Variants in VPS13C observed in about 807,000 individuals in gnomAD.
VPS13C encodes the protein vacuolar protein sorting 13 homolog C.
Under a neutral mutation model 456.8 loss-of-function variants are expected in VPS13C, and 358 were observed. That is an observed-to-expected ratio of 0.78 (90% CI 0.72 to 0.86). The LOEUF is 0.86. Among genes scored for constraint, VPS13C ranks in the 40% least tolerant of loss-of-function variants. VPS13C has a pLI of 0.00. For synonymous variants in VPS13C, 1,578 were observed against 1,486.7 expected (o/e 1.06, Z -1.41); for missense variants, 4,818 against 4,385.4 (o/e 1.10, Z -2.79).
rs757685633 is a variant in VPS13C at position 61,974,384 on chromosome 15, A to G, written c.2442T>C (p.His814=). The G allele has an allele frequency of 5.0e-6, 8 of 1,612,556 alleles. No homozygotes were observed. The Admixed American group carries it at 5.0e-5, about 10-fold the overall frequency. ...TCATCTTCTGGTCAGAAATTCTCAC[A>G]TGCATCAAAGGAAGTCCTCCTGACA... ...FKVSGGLPLM[H]VRISDQKMKD... The change falls in exon 25 of 85, where the codon CAT becomes CAC. Residue 814 remains histidine, a synonymous_variant. Coordinates refer to ENST00000644861, the MANE Select transcript of VPS13C (RefSeq NM_020821.3).
At chr15:62,021,982 T>C (rs2047478404) in intron 8 of VPS13C, among the ~76,000 whole-genome samples, 1 of 151,936 alleles carries the variant, frequency 6.6e-6, no homozygotes. Flanking sequence ...GTGAAAGAAT[T>C]TCCTTCATTT....
chr15:61,960,679 C>A (rs546497717), intron 35 of VPS13C, among the ~76,000 whole-genome samples: 1 of 152,248 alleles, frequency 6.6e-6, no homozygotes, highest in East Asian at 1.9e-4. Flanking sequence ...CAAATATAAA[C>A]AACTGGTGAA....
chr15:61,974,261 GTTATACAT>G lies in VPS13C; in HGVS notation c.2538+19_2538+26del. 1 of 1,600,332 alleles carries G rather than the reference GTTATACAT, an allele frequency of 6.2e-7. No homozygotes were observed. Among genetic ancestry groups the G allele is most frequent in the Non-Finnish European group, 8.5e-7 (1 of 1,173,122 alleles). On this transcript the variant is annotated intron_variant, in intron 25 of 84. Transcript: ENST00000644861. Reference sequence around the variant, plus strand: ...ACTGCTCTAAAACAATAAAAATAGGGTTATACATTTTATTGTATCTATTTACCTGTCTC... The same window carrying G: ...ACTGCTCTAAAACAATAAAAATAGGGTTTATTGTATCTATTTACCTGTCTC...
intron 1 of VPS13C, among the ~76,000 whole-genome samples, chr15:62,046,791 G>C (rs2048417667): frequency 6.6e-6 from 1 of 152,210 alleles, no homozygotes; most frequent in Non-Finnish European, 1.5e-5. Context: ...TGATCAAGTA[G>C]TAGGATAGCA....
Position 62,060,259 on chromosome 15 carries a change from G to T in VPS13C, c.100+16C>A. 6.4e-7 allele frequency: 1 copy of T among 1,557,476 alleles called. No homozygotes were observed. Among genetic ancestry groups the T allele is most frequent in the Non-Finnish European group, 8.8e-7 (1 of 1,137,416 alleles). On this transcript the variant is annotated intron_variant, in intron 1 of 84. Coordinates refer to ENST00000644861, the MANE Select transcript of VPS13C (RefSeq NM_020821.3). ...CCTCAGCGCCCGCAGCCCACTGGCC[G>T]CGCCCTCTCGCTTACCGCCCCAGAT...
intron 79 of VPS13C, 27 bp from the exon 80 acceptor site, chr15:61,869,650 G>T (rs879789750): frequency 5.6e-6 from 9 of 1,612,268 alleles, no homozygotes; most frequent in Non-Finnish European, 7.6e-6. Context: ...ACCATGAATG[G>T]ATAAAGATAT....
intron 70 of VPS13C, 53 bp downstream of exon 70, chr15:61,881,694 T>C (rs1895867026): frequency 1.9e-5 from 31 of 1,598,442 alleles, no homozygotes; most frequent in Non-Finnish European, 2.5e-5. Context: ...AACTAATGCC[T>C]ATTTAACTTT....
chr15:61,953,902 A>G (rs1467183172), intron 38 of VPS13C, among the ~76,000 whole-genome samples: 1 of 152,158 alleles, frequency 6.6e-6, no homozygotes, highest in African/African-American at 2.4e-5. Context: ...AAATGTTAAC[A>G]GTTTTCCTGC....
intron 48 of VPS13C, among the ~76,000 whole-genome samples, chr15:61,935,968 G>A (rs1754800098): frequency 6.6e-6 from 1 of 152,068 alleles, no homozygotes. Context: ...CCTATTTACA[G>A]TCTAATTAAA....
At position 61,907,248 on chromosome 15, in the gene VPS13C, T is replaced by C. The variant is rs2043176787; in HGVS notation, c.9105+16A>G. 4.3e-6 allele frequency: 7 copies of C among 1,613,262 alleles called. No individual in the cohort carries two copies. Among genetic ancestry groups the C allele is most frequent in the Admixed American group, 3.3e-5 (2 of 59,996 alleles). On this transcript the variant is annotated intron_variant, in intron 66 of 84. Transcript: ENST00000644861. ...GTCAGGTAACTCATATAGCACTCAT[T>C]CACATCAAAAGATACCTTTAACAGA... is the stretch of plus-strand genomic sequence containing the variant.
chr15:61,988,273 G>A (rs2046120279), intron 18 of VPS13C, among the ~76,000 whole-genome samples: 1 of 152,154 alleles, frequency 6.6e-6, no homozygotes, highest in African/African-American at 2.4e-5. Flanking sequence ...TGTTTTTGTT[G>A]ATCACCACAT....
At chr15:62,006,269 A>G (rs950168578) in intron 15 of VPS13C, among the ~76,000 whole-genome samples, 18 of 151,832 alleles carry the variant, frequency 1.2e-4, no homozygotes, top group African/African-American at 4.4e-4. Flanking sequence ...CGCACCCCAC[A>G]ACAGTCCCCG....
intron 25 of VPS13C, 100 bp downstream of exon 25, chr15:61,974,188 T>C: frequency 1.7e-6 from 2 of 1,201,834 alleles, no homozygotes; most frequent in East Asian, 2.7e-5. Context: ...ATTTCTGTAC[T>C]TTTGGTCCTT....
At chr15:62,015,850 G>A (rs2047222473) in intron 9 of VPS13C, among the ~76,000 whole-genome samples, 1 of 139,536 alleles carries the variant, frequency 7.2e-6, no homozygotes, top group African/African-American at 2.7e-5. Flanking sequence ...ACGTTAGTGG[G>A]TGCAGCGCAC....
chr15:62,026,435 A>C (rs2047641772), intron 6 of VPS13C, among the ~76,000 whole-genome samples: 1 of 152,082 alleles, frequency 6.6e-6, no homozygotes, highest in Non-Finnish European at 1.5e-5. Context: ...TTAAAGTACT[A>C]CTGGGAAGCT....
Position 61,921,952 on chromosome 15 carries a change from G to C in VPS13C, c.7057C>G (p.Leu2353Val). 6.2e-7 allele frequency: 1 copy of C among 1,612,738 alleles called. No homozygotes were observed. Among genetic ancestry groups the C allele is most frequent in the South Asian group, 1.1e-5 (1 of 91,042 alleles). ...ATATTTTAAGATTTCCTTACATCAA[G>C]CCTTAAATTCCATTGTCTCTTCCCC... ...VEGKRQWNLR[L>V]DVKKNPVQDK... Residue 2353 changes from leucine (L) to valine (V), a missense_variant, in exon 55 of 85, where the codon CTT becomes GTT. Physicochemically the swap from Leu to Val is conservative, Grantham distance 32 (BLOSUM62 1). This residue lies in a region of VPS13C where 4,552 missense variants were observed against 4,130.6 expected (regional missense o/e 1.10). Coordinates refer to ENST00000644861, the MANE Select transcript of VPS13C (RefSeq NM_020821.3).
rs562353290 is a variant in VPS13C at position 61,877,087 on chromosome 15, C to T, written c.10143-33G>A. 1.1e-5 allele frequency: 16 copies of T among 1,506,710 alleles called. No homozygotes were observed. In the South Asian group the frequency reaches 1.7e-4, roughly 16 times the overall value. The allele number at this position is 1,506,710 out of a possible 1,614,324, so 93.3% of individuals were successfully genotyped here. A position where few individuals can be genotyped will look rare whatever the true frequency, so the allele number is the denominator to read the frequency against. Reference sequence around the variant, plus strand: ...GAGAAAAAGGAAAGATTCAAAGATACTAATATTATATGATAAAAAAAGAGA... The same window carrying T: ...GAGAAAAAGGAAAGATTCAAAGATATTAATATTATATGATAAAAAAAGAGA... On this transcript the variant is annotated intron_variant, in intron 74 of 84. Transcript: ENST00000644861.
chr15:62,037,461 T>TAATATAATAAATGTATTATATTGTAAG (rs2048097406), intron 3 of VPS13C, among the ~76,000 whole-genome samples: 1 of 81,746 alleles, frequency 1.2e-5, no homozygotes, highest in South Asian at 3.7e-4. Context: ...TATATAAATA[T>TAATATAATAAATGTATTATATTGTAAG]AATATAATAA....
chr15:61,858,317 A>ACCATCTATCTATCTAT lies in VPS13C; in HGVS notation c.10953-1909_10953-1908insATAGATAGATAGATGG, dbSNP rs1298744718. Reference sequence around the variant, plus strand: ...ACTCGAGATTTTTATCCAAACTCCAACTATCTATCTATCTATCTATCTATC... The same window carrying ACCATCTATCTATCTAT: ...ACTCGAGATTTTTATCCAAACTCCAACCATCTATCTATCTATCTATCTATCTATCTATCTATCTATC... On this transcript the variant is annotated intron_variant, in intron 82 of 84. Transcript: ENST00000644861. This position sits in a 1 kb window ranked among gnomAD's most constrained non-coding sequence, Gnocchi z 4.4. 6.8e-6 allele frequency among the ~76,000 whole-genome samples: 1 copy of ACCATCTATCTATCTAT among 147,544 alleles called. No homozygotes were observed. Among genetic ancestry groups the ACCATCTATCTATCTAT allele is most frequent in the African/African-American group, 2.5e-5 (1 of 39,726 alleles).
Sources: gnomAD v4.1 joint callset for allele counts (sites outside exome capture counted in the v4.1 genomes callset) on GRCh38, gnomAD v4.1.1 for gene constraint, gnomAD v4.1.1 regional missense constraint, Gnocchi (gnomAD v3.1) non-coding constraint, MANE v1.5 for transcripts, NCBI Gene and HGNC (gene_info 2026-07-23, HGNC 2026-07-21) for gene names.